The following IGDCC4 variants were observed in gnomAD, a reference collection of about 807,000 sequenced individuals.
The protein encoded by IGDCC4 is immunoglobulin superfamily DCC subclass member 4.
A neutral mutation model predicts 116.6 loss-of-function variants in IGDCC4; 72 were observed. The ratio of observed to expected loss-of-function variants is 0.62; its 90% CI spans 0.51 to 0.75. The LOEUF is 0.75. Ranked by LOEUF, IGDCC4 falls within the 30% of genes least tolerant of loss-of-function variation. The probability of loss-of-function intolerance (pLI) is 0.00; values close to 1 mark genes in which losing one functional copy is unlikely to be tolerated. For missense variants in IGDCC4, 1,501 were observed against 1,662.4 expected (o/e 0.90, Z 1.69); for synonymous variants, 709 against 719.9 (o/e 0.98, Z 0.24).
chr15:65,399,631 C>T (rs183101744), intron 5 of IGDCC4, among the ~76,000 whole-genome samples: 425 of 152,196 alleles, frequency 2.8e-3, no homozygotes, highest in African/African-American at 9.5e-3. Context: ...GTCCTGCTGG[C>T]CCCCTAAGTA....
Position 65,398,371 on chromosome 15 carries a change from T to C in IGDCC4, c.842-1382A>G, listed in dbSNP as rs529929353. The stretch of plus-strand genomic sequence containing the variant: ...TAACATGGCAAAACCCCATCTCTAC[T>C]AAAAACACAAAAATTAGCCGAGTGT... On this transcript the variant is annotated intron_variant, in intron 5 of 19. Coordinates refer to ENST00000352385, the MANE Select transcript of IGDCC4 (RefSeq NM_020962.3). 5.7e-4 allele frequency among the ~76,000 whole-genome samples: 86 copies of C among 150,254 alleles called. 1 individual carries two copies. The South Asian group carries it at 0.017, about 31-fold the overall frequency.
chr15:65,410,901 G>C, intron 2 of IGDCC4, 119 bp downstream of exon 2: 1 of 745,292 alleles, frequency 1.3e-6, no homozygotes, highest in Non-Finnish European at 2.1e-6. Flanking sequence ...TGGGAGGCAG[G>C]GAAAGGGGGA....
At chr15:65,392,460 A>G in intron 10 of IGDCC4, 90 bp from the exon 11 acceptor site, 1 of 1,013,650 alleles carries the variant, frequency 9.9e-7, no homozygotes, top group Non-Finnish European at 1.4e-6. Flanking sequence ...GGGAAGAGGC[A>G]TGAGGAAGAG....
Position 65,394,404 on chromosome 15 carries a change from C to G in IGDCC4, c.1714+7G>C, listed in dbSNP as rs201717217. ...TACATGCCTGCAGCCCACCCACCCC[C>G]ACTCACCTTCCTTTCCCAAACCGTA... On this transcript the variant is annotated splice_region_variant and intron_variant, in intron 9 of 19. Transcript: ENST00000352385. The G allele has an allele frequency of 1.2e-6, 2 of 1,613,934 alleles. No homozygotes were observed. Among genetic ancestry groups the G allele is most frequent in the African/African-American group, 1.3e-5 (1 of 75,050 alleles).
At position 65,395,957 on chromosome 15, in the gene IGDCC4, A is replaced by G; in HGVS notation, c.1204T>C (p.Tyr402His). 4 of 1,586,372 alleles carry G rather than the reference A, an allele frequency of 2.5e-6. No homozygotes were observed. The highest frequency in any genetic ancestry group is 3.4e-6 in the Non-Finnish European group (4 of 1,173,786). Residue 402 changes from tyrosine (Y) to histidine (H), a missense_variant, in exon 7 of 20, where the codon TAC becomes CAC. By Grantham distance (83) the Tyr-to-His change is moderately conservative. This residue lies in a region of IGDCC4 where 898 missense variants were observed against 978.9 expected (regional missense o/e 0.92). Coordinates refer to ENST00000352385, the MANE Select transcript of IGDCC4 (RefSeq NM_020962.3). Reference protein sequence around the residue: ...ITQIGLQDAGYYQCVAENSAG... With the variant: ...ITQIGLQDAGHYQCVAENSAG... ...CTGTTCTCAGCCACGCACTGGTAGT[A>G]GCCGGCGTCCTGCAGGCCGATCTGT... is the stretch of plus-strand genomic sequence containing the variant.
rs545477800 is a variant in IGDCC4, at chr15:65,381,587, G to A, written c.*2422C>T. ...ATATTTGTAAGGAGAAAAAAAAAAC[G>A]CTGGAAGGATAATTAAATAGTACAG... On this transcript the variant is annotated 3_prime_UTR_variant, in exon 20 of 20. Coordinates refer to ENST00000352385, the MANE Select transcript of IGDCC4 (RefSeq NM_020962.3). 3 of 151,042 alleles carry A rather than the reference G, an allele frequency of 2.0e-5. No homozygotes were observed. In the East Asian group the frequency reaches 5.8e-4, roughly 29 times the overall value. The allele number at this position is 151,042 out of a possible 1,614,324, so 9.4% of individuals were successfully genotyped here. A position where few individuals can be genotyped will look rare whatever the true frequency, so the allele number is the denominator to read the frequency against.
intron 13 of IGDCC4, among the ~76,000 whole-genome samples, chr15:65,389,954 G>A (rs1013966647): frequency 7.2e-5 from 11 of 152,146 alleles, no homozygotes; most frequent in Admixed American, 6.5e-4. Flanking sequence ...GGATTGGATG[G>A]CCTCCTTGCT....
Position 65,393,460 on chromosome 15 carries a change from C to A in IGDCC4, c.1786G>T (p.Val596Leu), listed in dbSNP as rs774880475. The A allele has an allele frequency of 3.1e-6, 5 of 1,613,640 alleles. No individual in the cohort carries two copies. Among genetic ancestry groups the A allele is most frequent in the Non-Finnish European group, 4.2e-6 (5 of 1,179,762 alleles). ...LMLNSLQPNKVYRVRISAGTA... is the reference protein window; with the variant it reads ...LMLNSLQPNKLYRVRISAGTA... ...CCAGCCGAAATCCGTACTCGATACA[C>A]CTTGTTTGGCTGAAGCGAGTTCAGC... The change falls in exon 10 of 20, where the codon GTG (valine) becomes TTG (leucine). Residue 596 changes from valine to leucine, a missense_variant. By Grantham distance (32) the Val-to-Leu change is conservative (BLOSUM62 1). Transcript: ENST00000352385. This position sits in a 1 kb window ranked among gnomAD's most constrained non-coding sequence, Gnocchi z 4.6.
intron 17 of IGDCC4, 110 bp downstream of exon 17, chr15:65,386,441 G>A (rs1291923206): frequency 2.2e-6 from 2 of 897,090 alleles, no homozygotes; most frequent in South Asian, 1.4e-5. Context: ...ACTTTAACGG[G>A]GCTCCTGGGA....
At chr15:65,391,841 A>C (rs765418598) in intron 12 of IGDCC4, 39 bp downstream of exon 12, 8 of 1,575,864 alleles carry the variant, frequency 5.1e-6, no homozygotes, top group Non-Finnish European at 7.0e-6. Context: ...CAGAGCCCTC[A>C]CCTGAGCCCT....
intron 8 of IGDCC4, among the ~76,000 whole-genome samples, chr15:65,394,805 G>A (rs1037743188): frequency 2.6e-5 from 4 of 152,158 alleles, no homozygotes; most frequent in East Asian, 1.9e-4. Flanking sequence ...CCCTACCCCA[G>A]CTGGATGGCA....
intron 1 of IGDCC4, among the ~76,000 whole-genome samples, chr15:65,417,976 C>T (rs1360279874): frequency 6.6e-6 from 1 of 152,124 alleles, no homozygotes; most frequent in Non-Finnish European, 1.5e-5. Flanking sequence ...TCTAAATCCT[C>T]GGTACCTGGA....
At chr15:65,406,261 C>T (rs2063040418) in intron 3 of IGDCC4, among the ~76,000 whole-genome samples, 1 of 152,062 alleles carries the variant, frequency 6.6e-6, no homozygotes, top group African/African-American at 2.4e-5. Flanking sequence ...AGATAATGTT[C>T]CCTTTTAAAA....
At chr15:65,406,446 C>T (rs1198866031) in intron 3 of IGDCC4, among the ~76,000 whole-genome samples, 1 of 152,104 alleles carries the variant, frequency 6.6e-6, no homozygotes, top group African/African-American at 2.4e-5. Context: ...CTAGATTATC[C>T]CCTATTATTA....
chr15:65,385,162 G>C, intron 18 of IGDCC4, 47 bp from the exon 19 acceptor site: 3 of 1,513,060 alleles, frequency 2.0e-6, no homozygotes, highest in Non-Finnish European at 2.6e-6. Context: ...ACCAGGATTG[G>C]CTGGGAGAGG....
intron 1 of IGDCC4, 138 bp from the exon 2 acceptor site, chr15:65,411,508 A>G (rs2063094389): frequency 1.5e-6 from 1 of 675,186 alleles, no homozygotes; most frequent in African/African-American, 1.8e-5. Context: ...TCCCCTTACT[A>G]ACTGTGACCT....
chr15:65,392,360 G>A lies in IGDCC4; in HGVS notation c.1896C>T (p.Ala632=). 6.5e-7 allele frequency: 1 copy of A among 1,527,048 alleles called. No individual in the cohort carries two copies. 94.6% of individuals were successfully genotyped at this position (1,527,048 alleles called of 1,614,324 possible). ...TTGCCTGCACCTTCAACTCTGCAGG[G>A]GCAAAAGGGACTGGGGGGCAGAGGA... ...SMHNQSHVPF[A]PAELKVQAKM... The change falls in exon 11 of 20, where the codon GCC becomes GCT. Residue 632 remains alanine (A), a synonymous_variant. Transcript: ENST00000352385.
intron 2 of IGDCC4, 197 bp from the exon 3 acceptor site, chr15:65,410,516 T>C (rs2063081087): frequency 1.6e-6 from 1 of 622,192 alleles, no homozygotes; most frequent in African/African-American, 1.8e-5. Context: ...CAGAATGAAT[T>C]CCAAAGCCCC....
rs573721812 is a variant in IGDCC4, at chr15:65,400,735, T to C, written c.841+71A>G. On this transcript the variant is annotated intron_variant, in intron 5 of 19. Coordinates refer to ENST00000352385, the MANE Select transcript of IGDCC4 (RefSeq NM_020962.3). ...CTGGGTCGTCACCCATACATCCCCC[T>C]GACTTAGGGGCATGTGAGATGCCAC... 5 of 1,521,372 alleles carry C rather than the reference T, an allele frequency of 3.3e-6. No homozygotes were observed. In the South Asian group the frequency reaches 5.2e-5, roughly 16 times the overall value. The allele number at this position is 1,521,372 out of a possible 1,614,324, so 94.2% of individuals were successfully genotyped here.
Sources: gnomAD v4.1 joint callset for allele counts (sites outside exome capture counted in the v4.1 genomes callset) on GRCh38, gnomAD v4.1.1 for gene constraint, gnomAD v4.1.1 regional missense constraint, Gnocchi (gnomAD v3.1) non-coding constraint, MANE v1.5 for transcripts, NCBI Gene and HGNC (gene_info 2026-07-23, HGNC 2026-07-21) for gene names.